The following ARHGAP31 variants were observed in gnomAD, a reference collection of about 807,000 sequenced individuals.
ARHGAP31 encodes the protein Rho GTPase activating protein 31.
Under a neutral mutation model 113.9 loss-of-function variants are expected in ARHGAP31, and 34 were observed. That is an observed-to-expected ratio of 0.30 (90% confidence interval 0.23 to 0.40). The LOEUF is 0.40. ARHGAP31 is among the 10% of genes least tolerant of loss of function. The probability of loss-of-function intolerance (pLI) is 1.00; values close to 1 mark genes in which losing one functional copy is unlikely to be tolerated. For synonymous variants in ARHGAP31, 650 were observed against 684.8 expected (o/e 0.95, Z 0.79); for missense variants, 1,548 against 1,767.1 (o/e 0.88, Z 2.22).
chr3:119,324,949 T>C, intron 1 of ARHGAP31: 1 of 456,748 alleles, frequency 2.2e-6, no homozygotes, highest in Non-Finnish European at 4.4e-6. Context: ...GGTGAAAATG[T>C]GTCATTTGGG....
intron 10 of ARHGAP31, 108 bp downstream of exon 10, chr3:119,402,505 T>C (rs189609303): frequency 2.2e-5 from 27 of 1,220,938 alleles, no homozygotes; most frequent in African/African-American, 3.0e-5. Context: ...CTGTGGGCTC[T>C]AGAGCCCGAT....
intron 11 of ARHGAP31, among the ~76,000 whole-genome samples, chr3:119,412,540 G>A (rs114793644): frequency 0.047 from 7,149 of 152,216 alleles, 230 homozygotes; most frequent in Non-Finnish European, 0.067. Flanking sequence ...CTGGACTTGA[G>A]GGGAGACAAG....
intron 8 of ARHGAP31, among the ~76,000 whole-genome samples, chr3:119,394,211 G>T (rs2080528351): frequency 6.6e-6 from 1 of 152,186 alleles, no homozygotes; most frequent in South Asian, 2.1e-4. Flanking sequence ...CGTGTGAAGA[G>T]AACTGTGATC....
At chr3:119,403,910 C>G (rs1391271084) in intron 10 of ARHGAP31, among the ~76,000 whole-genome samples, 1 of 152,190 alleles carries the variant, frequency 6.6e-6, no homozygotes, top group East Asian at 1.9e-4. Flanking sequence ...TGGGGAGACT[C>G]CTATCCCAAA....
chr3:119,413,251 G>C (rs1010400766), intron 11 of ARHGAP31, among the ~76,000 whole-genome samples: 2 of 150,560 alleles, frequency 1.3e-5, no homozygotes, highest in South Asian at 4.2e-4. Context: ...CAGGAGACAG[G>C]GGTTGCAGTG....
At chr3:119,335,602 T>G (rs142741051) in intron 1 of ARHGAP31, among the ~76,000 whole-genome samples, 1 of 152,070 alleles carries the variant, frequency 6.6e-6, no homozygotes, top group Non-Finnish European at 1.5e-5. Context: ...CCACAGGGAT[T>G]TGGGGCCCAG....
intron 3 of ARHGAP31, among the ~76,000 whole-genome samples, chr3:119,377,230 GA>G (rs150556435): frequency 0.073 from 11,070 of 152,240 alleles, 723 homozygotes; most frequent in African/African-American, 0.16. Flanking sequence ...CTGTGCTTGT[GA>G]AATTTACATT....
At chr3:119,350,133 A>ATGG (rs1189310834) in intron 1 of ARHGAP31, among the ~76,000 whole-genome samples, 3 of 152,200 alleles carry the variant, frequency 2.0e-5, no homozygotes, top group Admixed American at 6.5e-5. Context: ...AACACTGAAC[A>ATGG]AGCTCATGGA....
In ARHGAP31 at chr3:119,341,454, T is replaced by C. The variant is rs141345541; in HGVS notation, c.101-23862T>C. On this transcript the variant is annotated intron_variant, in intron 1 of 11. Transcript: ENST00000264245. ...CAGCAACTCTGTGAGGGAATTACTA[T>C]TATTCTCCTAATTTAACAGATGGGG... Among the ~76,000 whole-genome samples, 251 of 152,322 alleles carry C rather than the reference T, an allele frequency of 1.6e-3. 1 individual carries two copies. The highest frequency in any genetic ancestry group is 5.9e-3 in the African/African-American group (246 of 41,580).
At chr3:119,308,355 A>C (rs2079649139) in intron 1 of ARHGAP31, among the ~76,000 whole-genome samples, 1 of 152,238 alleles carries the variant, frequency 6.6e-6, no homozygotes, top group African/African-American at 2.4e-5. Flanking sequence ...TAGAAGTCCA[A>C]CACAGCTGTC....
At chr3:119,337,158 G>A (rs114009754) in intron 1 of ARHGAP31, among the ~76,000 whole-genome samples, 202 of 152,250 alleles carry the variant, frequency 1.3e-3, no homozygotes, top group Middle Eastern at 6.8e-3. Flanking sequence ...ATGAAGCCGC[G>A]GACCCTGGCA....
intron 3 of ARHGAP31, among the ~76,000 whole-genome samples, chr3:119,369,581 A>G (rs963997334): frequency 6.6e-6 from 1 of 152,222 alleles, no homozygotes; most frequent in Non-Finnish European, 1.5e-5. Context: ...TCAATTTGAA[A>G]TGATACAGGA....
chr3:119,371,206 G>A lies in ARHGAP31; in HGVS notation c.348+2690G>A, dbSNP rs2107625680. The stretch of plus-strand genomic sequence containing the variant: ...ACTAATATCTCATTCTATTATAGTT[G>A]GGGGTAGATAGGAATTCTTTGTCTG... On this transcript the variant is annotated intron_variant, in intron 3 of 11. Transcript: ENST00000264245. Among the ~76,000 whole-genome samples, 2 of 152,168 alleles carry A rather than the reference G, an allele frequency of 1.3e-5. 1 individual carries two copies. The highest frequency in any genetic ancestry group is 4.2e-4 in the South Asian group (2 of 4,804).
At chr3:119,391,151 CT>C (rs1239402797) in intron 7 of ARHGAP31, among the ~76,000 whole-genome samples, 168 bp downstream of exon 7, 1 of 152,162 alleles carries the variant, frequency 6.6e-6, no homozygotes, top group Non-Finnish European at 1.5e-5. Flanking sequence ...CTACAACTCT[CT>C]CACCAGCAGT....
At chr3:119,381,706 C>T (rs569241547) in intron 4 of ARHGAP31, among the ~76,000 whole-genome samples, 21 of 152,110 alleles carry the variant, frequency 1.4e-4, no homozygotes, top group Admixed American at 1.3e-4. Context: ...AGCCTCCAGG[C>T]GGCCTGTGTG....
At chr3:119,354,656 C>T (rs1209578211) in intron 1 of ARHGAP31, among the ~76,000 whole-genome samples, 1 of 150,802 alleles carries the variant, frequency 6.6e-6, no homozygotes, top group East Asian at 1.9e-4. Flanking sequence ...GTATTACAGG[C>T]ACCCGCCACC....
chr3:119,346,041 C>T (rs914054173), intron 1 of ARHGAP31, among the ~76,000 whole-genome samples: 3 of 152,198 alleles, frequency 2.0e-5, no homozygotes, highest in Non-Finnish European at 4.4e-5. Flanking sequence ...GGTCCTGTAG[C>T]ACCAGTGGTA....
intron 3 of ARHGAP31, among the ~76,000 whole-genome samples, chr3:119,371,324 T>G (rs2080294822): frequency 6.6e-6 from 1 of 152,238 alleles, no homozygotes; most frequent in Admixed American, 6.5e-5. Context: ...TCCCTGTTAT[T>G]GCTAATCATT....
chr3:119,355,649 C>T (rs765349944), intron 1 of ARHGAP31, among the ~76,000 whole-genome samples: 17 of 152,062 alleles, frequency 1.1e-4, no homozygotes, highest in Non-Finnish European at 2.2e-4. Context: ...CCCCATCTCA[C>T]GACAGGCCCC....
Sources: gnomAD v4.1 joint callset for allele counts (sites outside exome capture counted in the v4.1 genomes callset) on GRCh38, gnomAD v4.1.1 for gene constraint, MANE v1.5 for transcripts, NCBI Gene and HGNC (gene_info 2026-07-23, HGNC 2026-07-21) for gene names.